The following ATAT1 variants were observed in gnomAD, a reference collection of about 807,000 sequenced individuals.
ATAT1 encodes the protein alpha-tubulin N-acetyltransferase 1.
In ATAT1, 42 loss-of-function variants were observed where a neutral mutation model predicts 57.2. That is an observed-to-expected ratio of 0.73 (90% CI 0.57 to 0.95). The LOEUF is 0.95. Ranked by LOEUF, ATAT1 falls within the 40% of genes least tolerant of loss-of-function variation. ATAT1 has a pLI of 0.00. For missense variants in ATAT1, 454 were observed against 523.7 expected, an observed-to-expected ratio of 0.87 and a Z score of 1.30; for synonymous variants, 168 against 187.1, an observed-to-expected ratio of 0.90 and a Z score of 0.83.
chr6:30,637,245 T>G (rs1416517901), intron 6 of ATAT1, among the ~76,000 whole-genome samples: 1 of 152,224 alleles, frequency 6.6e-6, no homozygotes, highest in Non-Finnish European at 1.5e-5. Context: ...CACATCTTTT[T>G]GAGGTAGGTA....
chr6:30,643,027 G>A lies in ATAT1; in HGVS notation c.932+16G>A. 3.8e-6 allele frequency: 6 copies of A among 1,596,186 alleles called. No homozygotes were observed. Among genetic ancestry groups the A allele is most frequent in the Non-Finnish European group, 5.1e-6 (6 of 1,170,210 alleles). ...GTCGCACCAGGTAATAGGAGTTGAA[G>A]GGCTAAGGAGCCTCACAGCTATAAA... On this transcript the variant is annotated intron_variant, in intron 10 of 12. Transcript: ENST00000330083.
rs1156309117 is a variant in ATAT1, at chr6:30,640,678, C to G, written c.616+75C>G. On this transcript the variant is annotated intron_variant, in intron 8 of 12. Transcript: ENST00000330083. ...ACTCTAGATGCCACGGGGTACAGTG[C>G]CATCTGTGGGCAATTTTGGAAAATT... 3.9e-5 allele frequency: 60 copies of G among 1,545,346 alleles called. No individual in the cohort carries two copies. In the East Asian group the frequency reaches 1.3e-3, roughly 33 times the overall value.
At position 30,642,144 on chromosome 6, in the gene ATAT1, G is replaced by T. The variant is rs187647800; in HGVS notation, c.617-32G>T. 18 of 1,613,860 alleles carry T rather than the reference G, an allele frequency of 1.1e-5. No homozygotes were observed. The African/African-American group carries it at 1.7e-4, about 16-fold the overall frequency. Reference sequence around the variant, plus strand: ...AGGGGTGCAAAGTATGTCTCCTAACGCTTACCCTGCCTATGTCCCCTCCAC... The same window carrying T: ...AGGGGTGCAAAGTATGTCTCCTAACTCTTACCCTGCCTATGTCCCCTCCAC... On this transcript the variant is annotated intron_variant, in intron 8 of 12. Transcript: ENST00000330083.
chr6:30,626,976 A>G lies in ATAT1; in HGVS notation c.-228A>G. 1 of 1,601,766 alleles carries G rather than the reference A, an allele frequency of 6.2e-7. No individual in the cohort carries two copies. The highest frequency in any genetic ancestry group is 1.1e-5 in the South Asian group (1 of 89,338). ...GAGGCCCCCAGCCCGCCGACCCGGA[A>G]CCACAACGCCGGCCCGGTGACAGCT... On this transcript the variant is annotated 5_prime_UTR_variant, in exon 1 of 13. Coordinates refer to ENST00000330083, the MANE Select transcript of ATAT1 (RefSeq NM_001031722.4).
chr6:30,645,511 G>T (rs975698559), intron 10 of ATAT1, among the ~76,000 whole-genome samples: 2 of 152,110 alleles, frequency 1.3e-5, no homozygotes, highest in African/African-American at 4.8e-5. Flanking sequence ...ACCGCGCCCA[G>T]CCTGGTCTAA....
At chr6:30,642,726 T>G in intron 9 of ATAT1, 42 bp from the exon 10 acceptor site, 1 of 1,276,004 alleles carries the variant, frequency 7.8e-7, no homozygotes, top group Non-Finnish European at 1.1e-6. Context: ...TCTTCCTTTT[T>G]TCTTCTTTTT....
chr6:30,633,630 C>G (rs1763380304), intron 6 of ATAT1: 1 of 200,908 alleles, frequency 5.0e-6, no homozygotes, highest in African/African-American at 2.4e-5. Context: ...CTGTGCCCCA[C>G]CATGTCAGAG....
At chr6:30,645,058 C>T (rs1766398274) in intron 10 of ATAT1, among the ~76,000 whole-genome samples, 1 of 152,126 alleles carries the variant, frequency 6.6e-6, no homozygotes, top group Non-Finnish European at 1.5e-5. Context: ...GATTACCTGA[C>T]GTCTGCTCCA....
At chr6:30,640,175 A>T (rs113694002) in intron 6 of ATAT1, among the ~76,000 whole-genome samples, 2 of 152,004 alleles carry the variant, frequency 1.3e-5, no homozygotes, top group African/African-American at 4.8e-5. Context: ...CATTCAGTAC[A>T]GTAACATGCT....
chr6:30,642,850 C>CCCCCCCCCCA lies in ATAT1; in HGVS notation c.771_772insCCCCCCCCCA (p.Ser258ProfsTer45). On this transcript the variant is annotated frameshift_variant, in exon 10 of 13. Coordinates refer to ENST00000330083, the MANE Select transcript of ATAT1 (RefSeq NM_001031722.4). LOFTEE classifies it high-confidence loss of function. The stretch of plus-strand genomic sequence containing the variant: ...CACCTCCAGCCCACCCACCCCCCCG[C>CCCCCCCCCCA]TCCAGCAGCCTGGGAAACTCACCAG... 1 of 1,570,470 alleles carries CCCCCCCCCCA rather than the reference C, an allele frequency of 6.4e-7. No homozygotes were observed. The highest frequency in any genetic ancestry group is 1.2e-5 in the South Asian group (1 of 85,966).
intron 4 of ATAT1, 53 bp from the exon 5 acceptor site, chr6:30,627,979 G>A (rs1762036150): frequency 6.2e-7 from 1 of 1,607,190 alleles, no homozygotes; most frequent in Admixed American, 1.7e-5. Flanking sequence ...TGGAGGTTAG[G>A]GGGCAGCAGA....
intron 6 of ATAT1, among the ~76,000 whole-genome samples, chr6:30,634,161 T>C (rs1005615490): frequency 6.6e-6 from 1 of 152,136 alleles, no homozygotes; most frequent in African/African-American, 2.4e-5. Flanking sequence ...GAACCAAAAC[T>C]TCCAAGGTCT....
At chr6:30,645,574 C>T (rs569677521) in intron 10 of ATAT1, among the ~76,000 whole-genome samples, 3 of 152,238 alleles carry the variant, frequency 2.0e-5, no homozygotes, top group South Asian at 2.1e-4. Context: ...CCAGAGTACC[C>T]GATCCAACAC....
intron 10 of ATAT1, chr6:30,643,412 T>C (rs1765958825): frequency 3.3e-6 from 5 of 1,495,932 alleles, no homozygotes; most frequent in Non-Finnish European, 4.5e-6. Context: ...AGGCAGGGAG[T>C]GGGCATTTCC....
chr6:30,627,566 GA>G, intron 2 of ATAT1, 46 bp downstream of exon 2: 1 of 1,606,524 alleles, frequency 6.2e-7, no homozygotes, highest in South Asian at 1.1e-5. Context: ...CCTCTGTGGG[GA>G]TGGTATATAA....
chr6:30,632,799 T>C (rs1346397349), intron 6 of ATAT1, among the ~76,000 whole-genome samples: 1 of 151,776 alleles, frequency 6.6e-6, no homozygotes, highest in East Asian at 1.9e-4. Flanking sequence ...TAGCCAGGTG[T>C]GGTGGTGCTC....
chr6:30,635,278 T>C (rs974351832), intron 6 of ATAT1, among the ~76,000 whole-genome samples: 3 of 152,008 alleles, frequency 2.0e-5, no homozygotes, highest in African/African-American at 7.3e-5. Context: ...GACCAGCAAA[T>C]GCAACCACAG....
chr6:30,640,608 A>G lies in ATAT1; in HGVS notation c.616+5A>G. On this transcript the variant is annotated splice_donor_5th_base_variant and intron_variant, in intron 8 of 12. Transcript: ENST00000330083. Reference sequence around the variant, plus strand: ...CAGTCGATCCCACGCCCGCTGGTAAAGCCTGTATTGAAGGGGTGGAACTGT... The same window carrying G: ...CAGTCGATCCCACGCCCGCTGGTAAGGCCTGTATTGAAGGGGTGGAACTGT... 1 of 1,612,710 alleles carries G rather than the reference A, an allele frequency of 6.2e-7. No homozygotes were observed. Among genetic ancestry groups the G allele is most frequent in the African/African-American group, 1.3e-5 (1 of 75,034 alleles).
intron 6 of ATAT1, among the ~76,000 whole-genome samples, chr6:30,638,813 A>G (rs1018645787): frequency 6.6e-6 from 1 of 152,098 alleles, no homozygotes; most frequent in Non-Finnish European, 1.5e-5. Context: ...ATTTCCCCCA[A>G]CCTTCTTTCA....
Sources: allele counts gnomAD v4.1 joint callset (sites outside exome capture counted in the v4.1 genomes callset), GRCh38; gene constraint gnomAD v4.1.1; transcripts MANE v1.5; gene names NCBI Gene and HGNC (gene_info 2026-07-23, HGNC 2026-07-21).